KLHL7: variants seen among roughly 807,000 people sequenced by gnomAD.
The protein encoded by KLHL7 is kelch like family member 7.
Under a neutral mutation model 67.4 loss-of-function variants are expected in KLHL7, and 44 were observed. That is an observed-to-expected ratio of 0.65 (90% CI 0.51 to 0.84). The LOEUF is 0.84. KLHL7 is among the 40% of genes least tolerant of loss of function. The pLI is 0.00. For synonymous variants in KLHL7, 252 were observed against 243.3 expected, an observed-to-expected ratio of 1.04 and a Z score of -0.33; for missense variants, 362 against 718.1, an observed-to-expected ratio of 0.50 and a Z score of 5.67.
rs765878818 is a variant in KLHL7, at chr7:23,106,039, G to A, written c.13G>A (p.Gly5Arg). The A allele has an allele frequency of 6.2e-7, 1 of 1,610,274 alleles. No individual in the cohort carries two copies. Among genetic ancestry groups the A allele is most frequent in the Non-Finnish European group, 8.5e-7 (1 of 1,178,818 alleles). MAAS[G>R]VEKSSKKKTE... ...GAGCTGAGGGAGGATGGCAGCCTCT[G>A]GGGTGGAGAAGAGCAGCAAGAAGAA... The change falls in exon 1 of 11, where the codon GGG becomes AGG. Residue 5 changes from glycine (G) to arginine (R), a missense_variant. This residue lies in a region of KLHL7 where 57 missense variants were observed against 81.7 expected (regional missense o/e 0.70). Transcript: ENST00000339077.
chr7:23,125,388 A>G (rs1783529856), intron 4 of KLHL7, among the ~76,000 whole-genome samples: 1 of 152,232 alleles, frequency 6.6e-6, no homozygotes, highest in Non-Finnish European at 1.5e-5. Flanking sequence ...AACATTTTCT[A>G]AAACACAAAA....
At chr7:23,110,282 G>T (rs1182286810) in intron 1 of KLHL7, among the ~76,000 whole-genome samples, 1 of 152,132 alleles carries the variant, frequency 6.6e-6, no homozygotes, top group Non-Finnish European at 1.5e-5. Flanking sequence ...AACCTATTTT[G>T]ACACTTTCCC....
At chr7:23,131,730 ATTC>A in intron 4 of KLHL7, among the ~76,000 whole-genome samples, 1 of 122,716 alleles carries the variant, frequency 8.1e-6, no homozygotes, top group African/African-American at 3.8e-5. Flanking sequence ...GGTCTTATTT[ATTC>A]TTTTTTTTTT....
At chr7:23,144,436 G>A (rs954227722) in intron 6 of KLHL7, among the ~76,000 whole-genome samples, 2 of 152,072 alleles carry the variant, frequency 1.3e-5, no homozygotes, top group Admixed American at 6.5e-5. Flanking sequence ...TTGCTTGCTG[G>A]CTAAGTCCCA....
intron 9 of KLHL7, chr7:23,171,123 C>A: frequency 3.3e-6 from 1 of 304,874 alleles, no homozygotes; most frequent in Non-Finnish European, 6.7e-6. Context: ...GCCAGGATGG[C>A]CTCCATCTCT....
chr7:23,117,755 T>C, intron 1 of KLHL7: 1 of 1,305,552 alleles, frequency 7.7e-7, no homozygotes, highest in Non-Finnish European at 1.0e-6. Context: ...TATTGCTTTA[T>C]TGAAGCTTTT....
At chr7:23,172,897 A>C in intron 9 of KLHL7, 51 bp from the exon 10 acceptor site, 1 of 1,267,870 alleles carries the variant, frequency 7.9e-7, no homozygotes, top group Non-Finnish European at 1.2e-6. Context: ...CATTAGTATG[A>C]GTTCTTTTAC....
chr7:23,141,020 A>G, intron 5 of KLHL7, 76 bp downstream of exon 5: 2 of 1,188,454 alleles, frequency 1.7e-6, no homozygotes, highest in Non-Finnish European at 1.3e-6. Context: ...GTTTGGACAC[A>G]TGACAAGGGA....
intron 6 of KLHL7, among the ~76,000 whole-genome samples, chr7:23,146,609 A>G (rs981135244): frequency 6.6e-6 from 1 of 150,874 alleles, no homozygotes. Context: ...AAAATTAGCT[A>G]AATTTTCCTC....
rs1783501802 is a variant in KLHL7 at position 23,124,786 on chromosome 7, G to C, written c.317+5G>C. 1 of 1,548,714 alleles carries C rather than the reference G, an allele frequency of 6.5e-7. No homozygotes were observed. ...GGAATTTGCTTATACTGCTAGGTGA[G>C]TTAAGTATTATTTTTATTTTAGAGA... On this transcript the variant is annotated splice_donor_5th_base_variant and intron_variant, in intron 3 of 10. Coordinates refer to ENST00000339077, the MANE Select transcript of KLHL7 (RefSeq NM_001031710.3).
intron 5 of KLHL7, among the ~76,000 whole-genome samples, 158 bp from the exon 6 acceptor site, chr7:23,143,693 C>T (rs984070077): frequency 3.3e-5 from 5 of 152,104 alleles, no homozygotes; most frequent in Non-Finnish European, 7.4e-5. Context: ...AGTATGTAAG[C>T]TGTTTTGAAG....
At chr7:23,172,494 T>A (rs1436882929) in intron 9 of KLHL7, among the ~76,000 whole-genome samples, 1 of 152,240 alleles carries the variant, frequency 6.6e-6, no homozygotes, top group Non-Finnish European at 1.5e-5. Flanking sequence ...AGGCCCATTA[T>A]AAGTTTGTGT....
chr7:23,148,825 T>C (rs1221822655), intron 6 of KLHL7, among the ~76,000 whole-genome samples: 1 of 152,280 alleles, frequency 6.6e-6, no homozygotes, highest in Non-Finnish European at 1.5e-5. Context: ...CTTTGTTGTT[T>C]AGTTTAACTT....
chr7:23,128,704 C>T (rs1783679689), intron 4 of KLHL7, among the ~76,000 whole-genome samples: 4 of 152,004 alleles, frequency 2.6e-5, no homozygotes, highest in African/African-American at 4.8e-5. Flanking sequence ...CTACAGCTAG[C>T]AGGTCCCAAA....
At chr7:23,138,193 G>C (rs978499466) in intron 4 of KLHL7, among the ~76,000 whole-genome samples, 7 of 150,154 alleles carry the variant, frequency 4.7e-5, no homozygotes, top group African/African-American at 1.7e-4. Flanking sequence ...AAAAGGCACG[G>C]TGGTTCACAC....
chr7:23,132,306 G>T (rs1783830818), intron 4 of KLHL7, among the ~76,000 whole-genome samples: 1 of 152,156 alleles, frequency 6.6e-6, no homozygotes, highest in Middle Eastern at 3.4e-3. Flanking sequence ...CCACATCCTT[G>T]CCAGCATTTG....
In KLHL7 at chr7:23,124,823, T is replaced by C. The variant is rs771697800; in HGVS notation, c.317+42T>C. 4 of 1,319,460 alleles carry C rather than the reference T, an allele frequency of 3.0e-6. No individual in the cohort carries two copies. The South Asian group carries it at 4.7e-5, about 16-fold the overall frequency. 81.7% of individuals were successfully genotyped at this position (1,319,460 alleles called of 1,614,324 possible). On this transcript the variant is annotated intron_variant, in intron 3 of 10. Coordinates refer to ENST00000339077, the MANE Select transcript of KLHL7 (RefSeq NM_001031710.3). ...TTTTATTTTAGAGAAGTAATGTTGG[T>C]ATCTACCATGGCAAAGCATTGTCGT... is the stretch of plus-strand genomic sequence containing the variant.
chr7:23,121,136 T>C (rs1783318256), intron 1 of KLHL7, among the ~76,000 whole-genome samples: 1 of 152,242 alleles, frequency 6.6e-6, no homozygotes, highest in Admixed American at 6.5e-5. Flanking sequence ...TGTCTTCCAG[T>C]TCCATCCACA....
chr7:23,131,733 C>CTTTTTTTTTT (rs59719158), intron 4 of KLHL7, among the ~76,000 whole-genome samples: 2 of 125,258 alleles, frequency 1.6e-5, no homozygotes, highest in Non-Finnish European at 3.3e-5. Flanking sequence ...CTTATTTATT[C>CTTTTTTTTTT]TTTTTTTTTT....
Sources: gnomAD v4.1 joint callset for allele counts (sites outside exome capture counted in the v4.1 genomes callset) on GRCh38, gnomAD v4.1.1 for gene constraint, gnomAD v4.1.1 regional missense constraint, MANE v1.5 for transcripts, NCBI Gene and HGNC (gene_info 2026-07-23, HGNC 2026-07-21) for gene names.